LRRC4C: variants seen among roughly 807,000 people sequenced by gnomAD.
The protein encoded by LRRC4C is leucine-rich repeat-containing protein 4C.
In LRRC4C, 5 loss-of-function variants were observed where a neutral mutation model predicts 33.6. The ratio of observed to expected loss-of-function variants is 0.15; its 90% confidence interval spans 0.08 to 0.31. LRRC4C has a LOEUF of 0.31. Among genes scored for constraint, LRRC4C ranks in the 10% least tolerant of loss-of-function variants. The probability of loss-of-function intolerance (pLI) is 1.00; values close to 1 mark genes in which losing one functional copy is unlikely to be tolerated. For synonymous variants in LRRC4C, 329 were observed against 302.0 expected (o/e 1.09, Z -0.93); for missense variants, 560 against 796.7 (o/e 0.70, Z 3.58).
intron 1 of LRRC4C, among the ~76,000 whole-genome samples, chr11:41,318,298 T>C (rs895127230): frequency 5.3e-5 from 8 of 152,208 alleles, no homozygotes; most frequent in African/African-American, 1.7e-4. Flanking sequence ...GTTTTGGATT[T>C]TATTTTTATC....
At chr11:40,898,979 G>C (rs1956091548) in intron 2 of LRRC4C, among the ~76,000 whole-genome samples, 1 of 151,828 alleles carries the variant, frequency 6.6e-6, no homozygotes, top group Non-Finnish European at 1.5e-5. Flanking sequence ...CAAACTTTTT[G>C]GAAGAAGTTA....
At chr11:40,317,487 C>T (rs574557012) in intron 4 of LRRC4C, among the ~76,000 whole-genome samples, 120 of 152,154 alleles carry the variant, frequency 7.9e-4, no homozygotes, top group Non-Finnish European at 1.2e-3. Flanking sequence ...ACATATCTGT[C>T]CTGTTCTTCA....
chr11:41,086,787 CA>C (rs955785331), intron 1 of LRRC4C, among the ~76,000 whole-genome samples: 1 of 151,740 alleles, frequency 6.6e-6, no homozygotes, highest in Non-Finnish European at 1.5e-5. Flanking sequence ...TTAAAAGTTT[CA>C]TTTTTTTTCA....
intron 3 of LRRC4C, among the ~76,000 whole-genome samples, chr11:40,543,751 T>C (rs1956811365): frequency 2.0e-5 from 3 of 152,168 alleles, no homozygotes; most frequent in Admixed American, 2.0e-4. Flanking sequence ...AGCCAGCTTA[T>C]GGTCTTGGAT....
intron 1 of LRRC4C, among the ~76,000 whole-genome samples, chr11:41,220,858 T>C (rs896268845): frequency 1.3e-5 from 2 of 152,220 alleles, no homozygotes; most frequent in Non-Finnish European, 2.9e-5. Flanking sequence ...CCAGTGTCTA[T>C]GCACTGGGAA....
chr11:40,397,833 C>T (rs1303218124), intron 3 of LRRC4C, among the ~76,000 whole-genome samples: 1 of 151,936 alleles, frequency 6.6e-6, no homozygotes, highest in African/African-American at 2.4e-5. Flanking sequence ...AATTTAAATA[C>T]CAGTGTGGGA....
intron 2 of LRRC4C, among the ~76,000 whole-genome samples, chr11:40,766,559 C>T (rs1949476106): frequency 6.6e-6 from 1 of 151,472 alleles, no homozygotes; most frequent in South Asian, 2.1e-4. Flanking sequence ...TTTTAAGACT[C>T]AGACTATATA....
At chr11:40,139,403 A>G (rs1857211302) in intron 6 of LRRC4C, among the ~76,000 whole-genome samples, 2 of 152,362 alleles carry the variant, frequency 1.3e-5, no homozygotes, top group Non-Finnish European at 2.9e-5. Flanking sequence ...TACTGATAGC[A>G]TTTAGGATTC....
intron 3 of LRRC4C, among the ~76,000 whole-genome samples, chr11:40,468,975 T>TA (rs1410102067): frequency 2.0e-5 from 3 of 152,162 alleles, no homozygotes; most frequent in African/African-American, 7.2e-5. Flanking sequence ...GTAAAATCTG[T>TA]AAAAATCTGC....
Position 41,258,420 on chromosome 11 carries a change from T to C in LRRC4C, c.-496+201011A>G, listed in dbSNP as rs536164979. On this transcript the variant is annotated intron_variant, in intron 1 of 6. Transcript: ENST00000528697. ...TGACACTTGAATAGGCCAGGACAAG[T>C]AGCAACACAAACAGATCTGATATAA... Among the ~76,000 whole-genome samples, 36 of 152,068 alleles carry C rather than the reference T, an allele frequency of 2.4e-4. 1 individual carries two copies. The South Asian group carries it at 6.2e-3, about 26-fold the overall frequency.
At chr11:40,568,404 C>T (rs1052398705) in intron 3 of LRRC4C, among the ~76,000 whole-genome samples, 3 of 152,192 alleles carry the variant, frequency 2.0e-5, no homozygotes, top group African/African-American at 7.2e-5. Flanking sequence ...TTTGAGAGCC[C>T]CTGGGCCGGA....
At chr11:40,168,423 C>T (rs1045535598) in intron 5 of LRRC4C, among the ~76,000 whole-genome samples, 3 of 152,168 alleles carry the variant, frequency 2.0e-5, no homozygotes, top group Non-Finnish European at 2.9e-5. Flanking sequence ...CTCTAGTTTG[C>T]GTCCAAACCT....
intron 5 of LRRC4C, among the ~76,000 whole-genome samples, chr11:40,178,738 G>T (rs1195411533): frequency 1.3e-5 from 2 of 152,194 alleles, no homozygotes; most frequent in African/African-American, 2.4e-5. Context: ...GGACAGGCAG[G>T]CCGTATATTC....
At chr11:40,702,418 C>T (rs1945908200) in intron 2 of LRRC4C, among the ~76,000 whole-genome samples, 1 of 152,116 alleles carries the variant, frequency 6.6e-6, no homozygotes, top group Non-Finnish European at 1.5e-5. Context: ...TCCTTTGCTT[C>T]TTTCCCTGCT....
chr11:40,385,658 A>G (rs138662468), intron 3 of LRRC4C, among the ~76,000 whole-genome samples: 6,631 of 151,862 alleles, frequency 0.044, 472 homozygotes, highest in African/African-American at 0.15. Flanking sequence ...GAGGAGGCCA[A>G]GAGATCGAGA....
At chr11:40,703,479 G>A (rs1332840447) in intron 2 of LRRC4C, among the ~76,000 whole-genome samples, 2 of 152,062 alleles carry the variant, frequency 1.3e-5, no homozygotes, top group East Asian at 3.9e-4. Flanking sequence ...CTCAGGAGGT[G>A]GAGTGGGGAG....
Position 41,123,256 on chromosome 11 carries a change from G to GTTTTTTTTTT in LRRC4C, c.-495-189534_-495-189533insAAAAAAAAAA, listed in dbSNP as rs1456350828. Among the ~76,000 whole-genome samples the GTTTTTTTTTT allele has an allele frequency of 9.2e-4, 99 of 107,122 alleles. 20 individuals are homozygous for GTTTTTTTTTT. The highest frequency in any genetic ancestry group is 2.2e-3 in the African/African-American group (56 of 25,334). The allele number at this position is 107,122 out of a possible 152,430, so 70.3% of individuals were successfully genotyped here. A position where few individuals can be genotyped will look rare whatever the true frequency, so the allele number is the denominator to read the frequency against. Reference sequence around the variant, plus strand: ...AAATGCTTTCTCTATCCTGAGCTATGTTTTGTTTTTTTTTTTTTTTTTTTT... The same window carrying GTTTTTTTTTT: ...AAATGCTTTCTCTATCCTGAGCTATGTTTTTTTTTTTTTTGTTTTTTTTTTTTTTTTTTTT... On this transcript the variant is annotated intron_variant, in intron 1 of 6. Transcript: ENST00000528697.
chr11:40,952,685 C>T (rs11036157), intron 1 of LRRC4C, among the ~76,000 whole-genome samples: 35,814 of 151,724 alleles, frequency 0.24, 4,571 homozygotes, highest in Middle Eastern at 0.32. Flanking sequence ...GACATCCTTG[C>T]CCATGATTCC....
chr11:40,924,122 G>GTGTGTGTA (rs370589025), intron 2 of LRRC4C, among the ~76,000 whole-genome samples: 86 of 145,318 alleles, frequency 5.9e-4, no homozygotes, highest in Non-Finnish European at 1.0e-3. Context: ...GTGTGTGTGT[G>GTGTGTGTA]TATATATATA....
Sources: gnomAD v4.1 joint callset for allele counts (sites outside exome capture counted in the v4.1 genomes callset) on GRCh38, gnomAD v4.1.1 for gene constraint, MANE v1.5 for transcripts, NCBI Gene and HGNC (gene_info 2026-07-23, HGNC 2026-07-21) for gene names.